Variants in LHPP observed in about 807,000 individuals in gnomAD.
The protein encoded by LHPP is hLHPP.
A neutral mutation model predicts 30.3 loss-of-function variants in LHPP; 24 were observed. The ratio of observed to expected loss-of-function variants is 0.79; its 90% CI spans 0.57 to 1.11. LHPP has a LOEUF of 1.11. LHPP is among the 50% of genes most tolerant of loss of function. The pLI is 0.00. For synonymous variants in LHPP, 150 were observed against 157.1 expected, an observed-to-expected ratio of 0.95 and a Z score of 0.34; for missense variants, 356 against 367.2, an observed-to-expected ratio of 0.97 and a Z score of 0.25.
intron 6 of LHPP, among the ~76,000 whole-genome samples, chr10:124,562,472 T>C (rs1446419322): frequency 6.6e-6 from 1 of 151,536 alleles, no homozygotes; most frequent in Non-Finnish European, 1.5e-5. Context: ...GGCAGGAAAA[T>C]AGAGATGACC....
intron 6 of LHPP, among the ~76,000 whole-genome samples, chr10:124,559,232 T>A (rs111529715): frequency 6.6e-5 from 10 of 152,286 alleles, no homozygotes; most frequent in African/African-American, 2.4e-4. Context: ...TCTATGGGGG[T>A]GGCTTCTGGC....
chr10:124,584,471 T>C (rs1948778183), intron 6 of LHPP, among the ~76,000 whole-genome samples: 1 of 152,094 alleles, frequency 6.6e-6, no homozygotes, highest in Non-Finnish European at 1.5e-5. Flanking sequence ...TGAGTGCTAC[T>C]CTGTGCTTTC....
intron 1 of LHPP, among the ~76,000 whole-genome samples, chr10:124,467,522 T>TC (rs1311732244): frequency 6.7e-6 from 1 of 149,236 alleles, no homozygotes; most frequent in Non-Finnish European, 1.5e-5. Context: ...TCTTTTTCTT[T>TC]TTTTTTTTTT....
intron 6 of LHPP, among the ~76,000 whole-genome samples, chr10:124,601,567 G>A (rs1186292379): frequency 1.3e-5 from 2 of 152,220 alleles, no homozygotes; most frequent in Non-Finnish European, 2.9e-5. Flanking sequence ...CTCTCAGTGC[G>A]TCCCACCTCT....
At chr10:124,512,497 A>G (rs1253171979) in intron 5 of LHPP, among the ~76,000 whole-genome samples, 3 of 151,700 alleles carry the variant, frequency 2.0e-5, no homozygotes, top group African/African-American at 4.9e-5. Context: ...GCCGCCTGTA[A>G]TCCCAGCTAC....
intron 6 of LHPP, among the ~76,000 whole-genome samples, chr10:124,566,126 C>T (rs12264955): frequency 0.11 from 16,005 of 152,240 alleles, 1,018 homozygotes; most frequent in South Asian, 0.2. Context: ...TGGCAGAGCC[C>T]GGTGGTTCCA....
intron 6 of LHPP, among the ~76,000 whole-genome samples, chr10:124,606,000 C>T (rs1396101824): frequency 6.6e-6 from 1 of 152,204 alleles, no homozygotes; most frequent in East Asian, 1.9e-4. Flanking sequence ...ACCTCCGAAA[C>T]CCGGGCAGCA....
chr10:124,531,819 A>T (rs1954907837), intron 6 of LHPP, among the ~76,000 whole-genome samples: 1 of 152,144 alleles, frequency 6.6e-6, no homozygotes, highest in African/African-American at 2.4e-5. Context: ...AGATGCTTTG[A>T]GGTGATGCGA....
chr10:124,601,508 C>T (rs887697557), intron 6 of LHPP, among the ~76,000 whole-genome samples: 1 of 152,218 alleles, frequency 6.6e-6, no homozygotes, highest in Non-Finnish European at 1.5e-5. Context: ...GAGGGAGTCT[C>T]TGGAGACCAC....
At chr10:124,513,073 AGTTTGTTT>A (rs113429645) in intron 5 of LHPP, among the ~76,000 whole-genome samples, 27 of 151,218 alleles carry the variant, frequency 1.8e-4, no homozygotes, top group African/African-American at 3.7e-4. Flanking sequence ...GAAGACATGT[AGTTTGTTT>A]GTTTGTTTGT....
chr10:124,583,935 A>G (rs1328770519), intron 6 of LHPP, among the ~76,000 whole-genome samples: 1 of 152,216 alleles, frequency 6.6e-6, no homozygotes, highest in Non-Finnish European at 1.5e-5. Context: ...AAGTTTTGAA[A>G]TTAGGAAGTA....
rs1282724651 is a variant in LHPP, at chr10:124,610,515, AGGGTGCGGGTGAGGGTGCTGATGGAGC to A, written c.717-2743_717-2717del. 2.6e-3 allele frequency among the ~76,000 whole-genome samples: 36 copies of A among 13,588 alleles called. 3 individuals are homozygous for A. Among genetic ancestry groups the A allele is most frequent in the Non-Finnish European group, 4.7e-3 (30 of 6,390 alleles). The allele number at this position is 13,588 out of a possible 152,430, so 8.9% of individuals were successfully genotyped here. On this transcript the variant is annotated intron_variant, in intron 6 of 6. Transcript: ENST00000368842. ...GGTGAGGGTGTTGACGGAGCGGGTG[AGGGTGCGGGTGAGGGTGCTGATGGAGC>A]GGGTGAGGGTGCGGGTGAGGGTGCT... is the stretch of plus-strand genomic sequence containing the variant.
At chr10:124,512,173 C>T (rs1175903372) in intron 5 of LHPP, among the ~76,000 whole-genome samples, 3 of 152,226 alleles carry the variant, frequency 2.0e-5, no homozygotes, top group Non-Finnish European at 4.4e-5. Flanking sequence ...TGTGTGCCCA[C>T]TGCCTGGCCT....
Position 124,517,863 on chromosome 10 carries a change from G to T in LHPP, c.716+592G>T, listed in dbSNP as rs1261036404. On this transcript the variant is annotated intron_variant, in intron 6 of 6. Transcript: ENST00000368842. This position sits in a 1 kb window ranked among gnomAD's most constrained non-coding sequence, Gnocchi z 4.1. Reference sequence around the variant, plus strand: ...ATGTGGAGGGCCCTGTGGTACCCAAGCTCCAGCTCGCCTGGTCATCGAGAG... The same window carrying T: ...ATGTGGAGGGCCCTGTGGTACCCAATCTCCAGCTCGCCTGGTCATCGAGAG... Among the ~76,000 whole-genome samples, 2 of 152,196 alleles carry T rather than the reference G, an allele frequency of 1.3e-5. No homozygotes were observed. The highest frequency in any genetic ancestry group is 2.9e-5 in the Non-Finnish European group (2 of 68,038).
At chr10:124,483,724 T>A (rs771090120) in intron 1 of LHPP, among the ~76,000 whole-genome samples, 1 of 151,588 alleles carries the variant, frequency 6.6e-6, no homozygotes, top group Non-Finnish European at 1.5e-5. Context: ...GCCACTGCAC[T>A]CCAGCCTGGG....
At chr10:124,468,409 A>G (rs1174460977) in intron 1 of LHPP, among the ~76,000 whole-genome samples, 1 of 152,170 alleles carries the variant, frequency 6.6e-6, no homozygotes, top group Non-Finnish European at 1.5e-5. Flanking sequence ...TCCCTTCCCA[A>G]AAGCATATGG....
rs1564798557 is a variant in LHPP at position 124,507,870 on chromosome 10, G to GGGGGGGTAGGGAGGATTTCAGGTC, written c.625-9300_625-9299insGAGGATTTCAGGTCGGGGGGTAGG. Among the ~76,000 whole-genome samples the GGGGGGGTAGGGAGGATTTCAGGTC allele has an allele frequency of 2.9e-4, 17 of 58,800 alleles. 1 individual carries two copies. Among genetic ancestry groups the GGGGGGGTAGGGAGGATTTCAGGTC allele is most frequent in the African/African-American group, 1.0e-3 (17 of 16,524 alleles). The allele number at this position is 58,800 out of a possible 152,430, so 38.6% of individuals were successfully genotyped here. A position where few individuals can be genotyped will look rare whatever the true frequency, so the allele number is the denominator to read the frequency against. On this transcript the variant is annotated intron_variant, in intron 5 of 6. Coordinates refer to ENST00000368842, the MANE Select transcript of LHPP (RefSeq NM_022126.4). ...TGGGGGGGTAGGGAGGATTTCAGGT[G>GGGGGGGTAGGGAGGATTTCAGGTC]GGGGGGTAGGCAGGATTTCAGGTCG...
intron 6 of LHPP, among the ~76,000 whole-genome samples, chr10:124,591,656 T>A (rs1948883399): frequency 6.6e-6 from 1 of 151,958 alleles, no homozygotes; most frequent in South Asian, 2.1e-4. Context: ...TTCTACTTCC[T>A]TAAGATGGGA....
Position 124,496,306 on chromosome 10 carries a change from G to A in LHPP, c.468-655G>A, listed in dbSNP as rs569763156. ...ATCGTAGGGTGAGCCTGGCCGGGCT[G>A]CAGCCAGCCACCAAGCCAGCCCTGG... On this transcript the variant is annotated intron_variant, in intron 3 of 6. Transcript: ENST00000368842. The surrounding 1 kb of genome is among the most constrained non-coding windows in gnomAD (Gnocchi z 4.3). 6.6e-6 allele frequency among the ~76,000 whole-genome samples: 1 copy of A among 152,274 alleles called. No individual in the cohort carries two copies. Among genetic ancestry groups the A allele is most frequent in the South Asian group, 2.1e-4 (1 of 4,826 alleles).
Sources: allele counts gnomAD v4.1 joint callset (sites outside exome capture counted in the v4.1 genomes callset), GRCh38; gene constraint gnomAD v4.1.1; non-coding constraint Gnocchi (gnomAD v3.1); transcripts MANE v1.5; gene names NCBI Gene and HGNC (gene_info 2026-07-23, HGNC 2026-07-21).